Variants in ATP9B observed in about 807,000 individuals in gnomAD.
The protein encoded by ATP9B is probable phospholipid-transporting ATPase IIB.
ATP9B carries 110 observed loss-of-function variants against 146.1 expected under a neutral mutation model. That is an observed-to-expected ratio of 0.75 (90% CI 0.65 to 0.88). ATP9B has a LOEUF of 0.88. ATP9B is among the 40% of genes least tolerant of loss of function. The pLI is 0.00. For missense variants in ATP9B, 1,499 were observed against 1,496.4 expected, an observed-to-expected ratio of 1.00 and a Z score of -0.03; for synonymous variants, 604 against 569.7, an observed-to-expected ratio of 1.06 and a Z score of -0.86.
intron 8 of ATP9B, among the ~76,000 whole-genome samples, chr18:79,191,550 C>G (rs780021590): frequency 7.9e-5 from 12 of 152,166 alleles, no homozygotes; most frequent in Non-Finnish European, 1.2e-4. Flanking sequence ...ATCATTATCT[C>G]TTGACCCGCA....
chr18:79,273,162 G>A (rs2096273690), intron 12 of ATP9B, among the ~76,000 whole-genome samples: 1 of 152,234 alleles, frequency 6.6e-6, no homozygotes, highest in African/African-American at 2.4e-5. Context: ...AAGTAGGAAT[G>A]TTAACACCCA....
chr18:79,164,826 G>C (rs954175910), intron 7 of ATP9B, among the ~76,000 whole-genome samples: 5 of 152,188 alleles, frequency 3.3e-5, no homozygotes, highest in African/African-American at 1.2e-4. Flanking sequence ...AGCTAGGAGA[G>C]AAAAGCATTT....
At chr18:79,300,176 G>T (rs1374983604) in intron 13 of ATP9B, among the ~76,000 whole-genome samples, 1 of 152,206 alleles carries the variant, frequency 6.6e-6, no homozygotes, top group Admixed American at 6.5e-5. Flanking sequence ...AGCTTCAGGA[G>T]GGGGGCACTC....
intron 13 of ATP9B, among the ~76,000 whole-genome samples, chr18:79,284,194 C>G (rs1363820265): frequency 6.6e-6 from 1 of 152,178 alleles, no homozygotes; most frequent in African/African-American, 2.4e-5. Flanking sequence ...GCAAGCAAAT[C>G]TCACAGGTAA....
chr18:79,113,789 G>T (rs953174319), intron 4 of ATP9B, among the ~76,000 whole-genome samples: 1 of 152,138 alleles, frequency 6.6e-6, no homozygotes, highest in Non-Finnish European at 1.5e-5. Context: ...ATATCTCAGT[G>T]TATAAAGTTT....
intron 15 of ATP9B, among the ~76,000 whole-genome samples, chr18:79,311,721 T>G (rs1251252169): frequency 1.3e-5 from 2 of 152,148 alleles, no homozygotes; most frequent in Non-Finnish European, 2.9e-5. Context: ...GTTGAGAACA[T>G]GGATCACTCA....
At chr18:79,184,508 T>C (rs2095285831) in intron 8 of ATP9B, among the ~76,000 whole-genome samples, 1 of 152,190 alleles carries the variant, frequency 6.6e-6, no homozygotes, top group South Asian at 2.1e-4. Flanking sequence ...TTTGGTTTTT[T>C]TTTATGTTGT....
intron 9 of ATP9B, among the ~76,000 whole-genome samples, chr18:79,203,649 T>G (rs1273541153): frequency 6.6e-6 from 1 of 152,196 alleles, no homozygotes; most frequent in East Asian, 1.9e-4. Context: ...TCTGATACAA[T>G]AAAATTCTGA....
chr18:79,252,626 T>C (rs1050489911), intron 11 of ATP9B, among the ~76,000 whole-genome samples: 1 of 152,222 alleles, frequency 6.6e-6, no homozygotes, highest in African/African-American at 2.4e-5. Flanking sequence ...CTATACAGAA[T>C]GCAGCCAAAA....
chr18:79,356,535 A>G (rs1022864225), intron 25 of ATP9B, among the ~76,000 whole-genome samples: 4 of 152,222 alleles, frequency 2.6e-5, no homozygotes, highest in African/African-American at 7.2e-5. Context: ...GCCACAAAAT[A>G]GTAGTCAGCA....
intron 8 of ATP9B, among the ~76,000 whole-genome samples, chr18:79,183,286 C>A (rs2095270257): frequency 6.6e-6 from 1 of 152,082 alleles, no homozygotes; most frequent in East Asian, 1.9e-4. Flanking sequence ...TAAAAAAAAG[C>A]ATATTTCAAG....
intron 7 of ATP9B, among the ~76,000 whole-genome samples, chr18:79,170,879 A>C (rs1412320580): frequency 6.6e-6 from 1 of 152,264 alleles, no homozygotes; most frequent in Non-Finnish European, 1.5e-5. Context: ...GCACTAAAAC[A>C]CATAGTACTT....
At position 79,078,663 on chromosome 18, in the gene ATP9B, G is replaced by GTTT. The variant is rs34895093; in HGVS notation, c.119+9146_119+9148dup. Among the ~76,000 whole-genome samples, 180 of 143,178 alleles carry GTTT rather than the reference G, an allele frequency of 1.3e-3. 2 individuals are homozygous for GTTT. The highest frequency in any genetic ancestry group is 4.3e-3 in the African/African-American group (169 of 39,288). The allele number at this position is 143,178 out of a possible 152,430, so 93.9% of individuals were successfully genotyped here. A position where few individuals can be genotyped will look rare whatever the true frequency, so the allele number is the denominator to read the frequency against. Reference sequence around the variant, plus strand: ...TACCCCACTTAAAGTGTATAGTTCAGTTTTTTTTTTTTTTATGCTTTAAGT... The same window carrying GTTT: ...TACCCCACTTAAAGTGTATAGTTCAGTTTTTTTTTTTTTTTTTATGCTTTAAGT... On this transcript the variant is annotated intron_variant, in intron 1 of 29. Transcript: ENST00000426216.
At chr18:79,154,581 C>T (rs1180194063) in intron 7 of ATP9B, 26 bp downstream of exon 7, 3 of 1,479,462 alleles carry the variant, frequency 2.0e-6, no homozygotes, top group Non-Finnish European at 2.7e-6. Flanking sequence ...AAAAAACTTA[C>T]CTAACTGTAT....
rs1236924657 is a variant in ATP9B, at chr18:79,206,986, T to C, written c.1004T>C (p.Leu335Ser). The change falls in exon 10 of 30, where the codon TTG (leucine) becomes TCG (serine). Residue 335 changes from leucine (L) to serine (S), a missense_variant. Transcript: ENST00000426216. The part of the protein sequence containing the change: ...IHESLSIENT[L>S]WASTIVASGT... ...GAAAGTCTCAGCATAGAAAATACAT[T>C]GTGGGCAAGCACCATTGTTGCATCA... 1.2e-6 allele frequency: 2 copies of C among 1,614,012 alleles called. No homozygotes were observed. Among genetic ancestry groups the C allele is most frequent in the East Asian group, 2.2e-5 (1 of 44,892 alleles).
At chr18:79,282,241 GA>G (rs1417231697) in intron 13 of ATP9B, among the ~76,000 whole-genome samples, 2 of 152,214 alleles carry the variant, frequency 1.3e-5, no homozygotes, top group Non-Finnish European at 2.9e-5. Context: ...GACAACCAAG[GA>G]TTTAGAAGAT....
intron 25 of ATP9B, among the ~76,000 whole-genome samples, chr18:79,350,218 G>T (rs571926626): frequency 1.3e-5 from 2 of 152,352 alleles, no homozygotes; most frequent in African/African-American, 4.8e-5. Context: ...GATAGCAGCA[G>T]CCTGTCCTGT....
intron 9 of ATP9B, among the ~76,000 whole-genome samples, chr18:79,200,819 G>A (rs914272761): frequency 3.5e-4 from 34 of 97,786 alleles, no homozygotes; most frequent in African/African-American, 1.3e-3. Context: ...AGACTTGGGT[G>A]GGGCCCTGGA....
At chr18:79,150,144 G>A (rs2094662886) in intron 6 of ATP9B, among the ~76,000 whole-genome samples, 1 of 152,028 alleles carries the variant, frequency 6.6e-6, no homozygotes. Flanking sequence ...ATCAGGAAAT[G>A]CAAATTAAAA....
Sources: gnomAD v4.1 joint callset for allele counts (sites outside exome capture counted in the v4.1 genomes callset) on GRCh38, gnomAD v4.1.1 for gene constraint, MANE v1.5 for transcripts, NCBI Gene and HGNC (gene_info 2026-07-23, HGNC 2026-07-21) for gene names.